Variants in FOXJ3 observed in about 807,000 individuals in gnomAD.
The protein encoded by FOXJ3 is forkhead box protein J3.
FOXJ3 carries 22 observed loss-of-function variants against 76.1 expected under a neutral mutation model. That is an observed-to-expected ratio of 0.29 (90% CI 0.21 to 0.41). The LOEUF (loss-of-function observed/expected upper bound fraction) is 0.41, where lower values mean the gene tolerates loss of function less well. Ranked by LOEUF, FOXJ3 falls within the 10% of genes least tolerant of loss-of-function variation. The pLI, the probability that FOXJ3 is intolerant of heterozygous loss-of-function variation, is 1.00. For missense variants in FOXJ3, 613 were observed against 762.1 expected (o/e 0.80, Z 2.30); for synonymous variants, 269 against 261.2 (o/e 1.03, Z -0.29).
At position 42,306,450 on chromosome 1, in the gene FOXJ3, G is replaced by A. The variant is rs553635087; in HGVS notation, c.44+4600C>T. ...CCCGAGTAGCTGGGACTACAGGCGA[G>A]TGCCACCACACCTGGCTAATTTTTT... On this transcript the variant is annotated intron_variant, in intron 2 of 12. Coordinates refer to ENST00000361346, the MANE Select transcript of FOXJ3 (RefSeq NM_014947.5). Among the ~76,000 whole-genome samples the A allele has an allele frequency of 9.9e-5, 15 of 151,980 alleles. No homozygotes were observed. In the South Asian group the frequency reaches 3.1e-3, roughly 32 times the overall value.
chr1:42,334,072 G>T, intron 1 of FOXJ3: 1 of 729,042 alleles, frequency 1.4e-6, no homozygotes, highest in Non-Finnish European at 1.7e-6. Flanking sequence ...CACCAACACG[G>T]AATAGTAAAA....
At chr1:42,315,879 A>G (rs1481885873) in intron 1 of FOXJ3, among the ~76,000 whole-genome samples, 9 of 152,254 alleles carry the variant, frequency 5.9e-5, no homozygotes, top group Non-Finnish European at 7.3e-5. Context: ...TTGAAAACTA[A>G]TATGTATCAA....
chr1:42,222,784 T>C (rs929882316), intron 5 of FOXJ3, among the ~76,000 whole-genome samples: 1 of 152,142 alleles, frequency 6.6e-6, no homozygotes, highest in Non-Finnish European at 1.5e-5. Flanking sequence ...GGACAGGAAG[T>C]AGGTTTTGTG....
At chr1:42,303,095 T>A (rs900966724) in intron 2 of FOXJ3, among the ~76,000 whole-genome samples, 9 of 152,206 alleles carry the variant, frequency 5.9e-5, no homozygotes, top group African/African-American at 2.2e-4. Flanking sequence ...AGAAGAATAT[T>A]GTTTGGCAGA....
chr1:42,188,371 C>T lies in FOXJ3; in HGVS notation c.1645+366G>A, dbSNP rs559257367. On this transcript the variant is annotated intron_variant, in intron 11 of 12. Coordinates refer to ENST00000361346, the MANE Select transcript of FOXJ3 (RefSeq NM_014947.5). ...ACATTCTTAGGAGATACACAAGACA[C>T]GTTGATTTCCATTGCAGATCTGTAC... Among the ~76,000 whole-genome samples the T allele has an allele frequency of 6.6e-5, 10 of 152,254 alleles. No individual in the cohort carries two copies. The South Asian group carries it at 1.2e-3, about 19-fold the overall frequency.
rs773645178 is a variant in FOXJ3, at chr1:42,177,694, A to G, written c.*2016T>C. 1 of 152,362 alleles carries G rather than the reference A, an allele frequency of 6.6e-6. No homozygotes were observed. Among genetic ancestry groups the G allele is most frequent in the African/African-American group, 2.4e-5 (1 of 41,318 alleles). 9.4% of individuals were successfully genotyped at this position (152,362 alleles called of 1,614,324 possible). A position where few individuals can be genotyped will look rare whatever the true frequency, so the allele number is the denominator to read the frequency against. On this transcript the variant is annotated 3_prime_UTR_variant, in exon 13 of 13. Coordinates refer to ENST00000361346, the MANE Select transcript of FOXJ3 (RefSeq NM_014947.5). ...ACATAAAGCTCTTCCTTTCTCCCCA[A>G]CCTCACCAGCCCTTACCATGGCTGG...
chr1:42,188,492 C>T (rs1252433741), intron 11 of FOXJ3, among the ~76,000 whole-genome samples: 1 of 152,130 alleles, frequency 6.6e-6, no homozygotes, highest in Non-Finnish European at 1.5e-5. Context: ...ATAATGGTTA[C>T]AACAGTTAAC....
intron 8 of FOXJ3, among the ~76,000 whole-genome samples, chr1:42,194,308 A>G (rs1442960207): frequency 1.3e-5 from 2 of 152,240 alleles, no homozygotes; most frequent in African/African-American, 2.4e-5. Flanking sequence ...AACACATTAT[A>G]GCAAGAATCT....
At chr1:42,245,553 G>A (rs752437805) in intron 4 of FOXJ3, among the ~76,000 whole-genome samples, 4 of 152,092 alleles carry the variant, frequency 2.6e-5, no homozygotes, top group African/African-American at 4.8e-5. Context: ...CACATCAACA[G>A]AATGAAAGAC....
intron 2 of FOXJ3, among the ~76,000 whole-genome samples, chr1:42,294,151 C>T (rs1459240371): frequency 1.3e-5 from 2 of 152,088 alleles, no homozygotes; most frequent in Non-Finnish European, 2.9e-5. Flanking sequence ...CATTCAATAC[C>T]CAATGATCAT....
intron 6 of FOXJ3, among the ~76,000 whole-genome samples, chr1:42,202,475 A>T (rs983234922): frequency 7.2e-5 from 11 of 152,214 alleles, no homozygotes; most frequent in African/African-American, 2.7e-4. Context: ...TAATAAACGT[A>T]TAAGTTGCTG....
Position 42,317,086 on chromosome 1 carries a change from G to A in FOXJ3, c.-17-5976C>T, listed in dbSNP as rs1218534769. ...TATTTAAAAAACTGTCACAGCTCTA[G>A]AGGTCAAGAAGCTATTCCCTTTTTT... is the stretch of plus-strand genomic sequence containing the variant. On this transcript the variant is annotated intron_variant, in intron 1 of 12. Transcript: ENST00000361346. Among the ~76,000 whole-genome samples the A allele has an allele frequency of 2.0e-5, 3 of 152,140 alleles. No homozygotes were observed. The East Asian group carries it at 5.8e-4, about 29-fold the overall frequency.
At chr1:42,258,814 TTAAG>T (rs1338227812) in intron 4 of FOXJ3, among the ~76,000 whole-genome samples, 1 of 152,142 alleles carries the variant, frequency 6.6e-6, no homozygotes, top group Non-Finnish European at 1.5e-5. Flanking sequence ...TTTAGAAACT[TTAAG>T]TTAGAGATAA....
intron 2 of FOXJ3, among the ~76,000 whole-genome samples, chr1:42,279,534 C>G (rs889549934): frequency 6.6e-6 from 1 of 152,080 alleles, no homozygotes; most frequent in Non-Finnish European, 1.5e-5. Context: ...CTCTCCAAAG[C>G]TGAAAAATTC....
intron 6 of FOXJ3, among the ~76,000 whole-genome samples, chr1:42,203,823 C>A (rs1646808913): frequency 6.6e-6 from 1 of 151,920 alleles, no homozygotes; most frequent in South Asian, 2.1e-4. Context: ...TGGTGGAACC[C>A]CATCTCTACT....
At chr1:42,324,200 A>ATATACAG (rs1655673991) in intron 1 of FOXJ3, among the ~76,000 whole-genome samples, 6 of 16,646 alleles carry the variant, frequency 3.6e-4, no homozygotes, top group African/African-American at 7.5e-4. Context: ...TATATATACT[A>ATATACAG]TATATATACT....
chr1:42,248,924 C>T (rs993877244), intron 4 of FOXJ3, among the ~76,000 whole-genome samples: 2 of 151,912 alleles, frequency 1.3e-5, no homozygotes, highest in Admixed American at 6.6e-5. Flanking sequence ...ACCCAATAGG[C>T]CCCGGTGTGT....
chr1:42,265,036 T>C, intron 4 of FOXJ3, 79 bp downstream of exon 4: 1 of 909,388 alleles, frequency 1.1e-6, no homozygotes, highest in Non-Finnish European at 1.9e-6. Context: ...TCCTATTCAA[T>C]GAACTGGAAA....
At chr1:42,308,153 CCA>C (rs1654580236) in intron 2 of FOXJ3, among the ~76,000 whole-genome samples, 1 of 152,174 alleles carries the variant, frequency 6.6e-6, no homozygotes, top group Admixed American at 6.5e-5. Flanking sequence ...AGCCATATGT[CCA>C]GTTCTTCTCC....
Sources: allele counts gnomAD v4.1 joint callset (sites outside exome capture counted in the v4.1 genomes callset), GRCh38; gene constraint gnomAD v4.1.1; transcripts MANE v1.5; gene names NCBI Gene and HGNC (gene_info 2026-07-23, HGNC 2026-07-21).